The following TULP4 variants were observed in gnomAD, a reference collection of about 807,000 sequenced individuals.
TULP4 encodes the protein TUB like protein 4, also known as tubby-related protein 4.
In TULP4, 16 loss-of-function variants were observed where a neutral mutation model predicts 129.0. The ratio of observed to expected loss-of-function variants is 0.12; its 90% CI spans 0.08 to 0.19. The LOEUF (loss-of-function observed/expected upper bound fraction) is 0.19. Among genes scored for constraint, TULP4 ranks in the 10% least tolerant of loss-of-function variants. The probability of loss-of-function intolerance (pLI) is 1.00; values close to 1 mark genes in which losing one functional copy is unlikely to be tolerated. For missense variants in TULP4, 1,842 were observed against 2,059.1 expected, an observed-to-expected ratio of 0.89 and a Z score of 2.04; for synonymous variants, 998 against 854.0, an observed-to-expected ratio of 1.17 and a Z score of -2.94.
At chr6:158,337,044 TTTCTTTCTTTCTTTCTTTCTTTC>T (rs1780054241) in intron 1 of TULP4, among the ~76,000 whole-genome samples, 2 of 144,308 alleles carry the variant, frequency 1.4e-5, no homozygotes, top group Admixed American at 7.0e-5. Context: ...TTTTTCTTTC[TTTCTTTCTTTCTTTCTTTCTTTC>T]TTTCTTTTCT....
At chr6:158,309,151 A>G (rs187778802), upstream of TULP4, among the ~76,000 whole-genome samples, 970 of 16,368 alleles carry the variant, frequency 0.059, 135 homozygotes, top group South Asian at 0.15. Context: ...GCTGCCGGGC[A>G]GAGGGGCTCC....
chr6:158,479,843 G>C lies in TULP4; in HGVS notation c.1119G>C (p.Arg373=). 1.2e-6 allele frequency: 2 copies of C among 1,613,974 alleles called. No individual in the cohort carries two copies. Among genetic ancestry groups the C allele is most frequent in the South Asian group, 1.1e-5 (1 of 91,082 alleles). Residue 373 remains arginine (R), a synonymous_variant, in exon 7 of 14, where the codon CGG becomes CGC. Transcript: ENST00000367097. The stretch of plus-strand genomic sequence containing the variant: ...TGTACGTGGTGCGTGTGGAGCACCG[G>C]GTGTCCAGCCTGCAGCTGCTGTGCC... ...PALYVVRVEH[R]VSSLQLLCQQ... is the part of the protein sequence containing the mutation.
intron 1 of TULP4, among the ~76,000 whole-genome samples, chr6:158,264,301 C>A (rs1778408127): frequency 6.6e-6 from 1 of 151,676 alleles, no homozygotes; most frequent in African/African-American, 2.4e-5. Flanking sequence ...AAATGAACTT[C>A]AATTTGAAGA....
chr6:158,482,987 G>C (rs377400705), intron 8 of TULP4, among the ~76,000 whole-genome samples: 1 of 152,294 alleles, frequency 6.6e-6, no homozygotes, highest in Non-Finnish European at 1.5e-5. Context: ...CAGGGAATAA[G>C]ATGTTGTATT....
chr6:158,331,733 GTA>G (rs373673911), intron 1 of TULP4, among the ~76,000 whole-genome samples: 4,250 of 13,010 alleles, frequency 0.33, 1,555 homozygotes, highest in South Asian at 0.42. Flanking sequence ...ACACACATAC[GTA>G]TATATATACG....
intron 1 of TULP4, among the ~76,000 whole-genome samples, chr6:158,316,581 T>C (rs1423286879): frequency 2.6e-5 from 4 of 152,166 alleles, no homozygotes; most frequent in Admixed American, 2.6e-4. Context: ...CACACACATA[T>C]CTGTACCTTT....
Position 158,331,688 on chromosome 6 carries a change from GACACACACACACACAC to G in TULP4, c.252+17446_252+17461del, listed in dbSNP as rs146753041. Among the ~76,000 whole-genome samples, 116 of 43,302 alleles carry G rather than the reference GACACACACACACACAC, an allele frequency of 2.7e-3. 33 individuals carry two copies. Among genetic ancestry groups the G allele is most frequent in the African/African-American group, 7.7e-3 (113 of 14,748 alleles). The allele number at this position is 43,302 out of a possible 152,430, so 28.4% of individuals were successfully genotyped here. ...TCTTTGCTGCTGGACTCGTTCAACA[GACACACACACACACAC>G]ACACACACACACACACACACACACA... On this transcript the variant is annotated intron_variant, in intron 1 of 13. Coordinates refer to ENST00000367097, the MANE Select transcript of TULP4 (RefSeq NM_020245.5).
chr6:158,447,781 G>T (rs1459092441), intron 3 of TULP4, among the ~76,000 whole-genome samples: 1 of 152,208 alleles, frequency 6.6e-6, no homozygotes, highest in Non-Finnish European at 1.5e-5. Flanking sequence ...GCCTTGGCTT[G>T]ATCACTTAAT....
At chr6:158,408,690 GC>G (rs929589417) in intron 1 of TULP4, among the ~76,000 whole-genome samples, 4 of 152,192 alleles carry the variant, frequency 2.6e-5, no homozygotes, top group Non-Finnish European at 5.9e-5. Context: ...AGACTCCAGA[GC>G]CCGCCTTCCT....
intron 1 of TULP4, among the ~76,000 whole-genome samples, chr6:158,260,420 C>T (rs1328176127): frequency 6.6e-6 from 1 of 151,896 alleles, no homozygotes; most frequent in Non-Finnish European, 1.5e-5. Flanking sequence ...ACTAAAAATA[C>T]AAAAAATTAG....
At chr6:158,366,644 T>C (rs1780971777) in intron 1 of TULP4, among the ~76,000 whole-genome samples, 2 of 152,244 alleles carry the variant, frequency 1.3e-5, no homozygotes, top group Non-Finnish European at 2.9e-5. Flanking sequence ...CTCAGCCTTA[T>C]CGCCAGGCTC....
intron 2 of TULP4, among the ~76,000 whole-genome samples, chr6:158,422,426 T>C (rs2115035080): frequency 6.6e-6 from 1 of 152,342 alleles, no homozygotes; most frequent in South Asian, 2.1e-4. Context: ...AAAACCTTGA[T>C]TCTTACCTCA....
chr6:158,364,640 C>T (rs1174103936), intron 1 of TULP4, among the ~76,000 whole-genome samples: 2 of 152,110 alleles, frequency 1.3e-5, no homozygotes, highest in Non-Finnish European at 2.9e-5. Flanking sequence ...ATTATCATTC[C>T]CTTTTAACTG....
intron 1 of TULP4, chr6:158,238,073 ATCT>A: frequency 4.2e-6 from 3 of 706,154 alleles, no homozygotes; most frequent in South Asian, 3.0e-5. Context: ...GTACTATTAA[ATCT>A]TCTTCATGGC....
intron 1 of TULP4, among the ~76,000 whole-genome samples, chr6:158,357,414 C>T (rs905068159): frequency 2.0e-5 from 3 of 152,196 alleles, no homozygotes; most frequent in African/African-American, 7.2e-5. Flanking sequence ...TCAGTGTTCA[C>T]TTCTGGTTGG....
At chr6:158,356,977 C>A (rs867973811) in intron 1 of TULP4, among the ~76,000 whole-genome samples, 5 of 152,046 alleles carry the variant, frequency 3.3e-5, no homozygotes, top group Admixed American at 6.5e-5. Flanking sequence ...GTAGGCACTT[C>A]CATTTCCAAA....
intron 7 of TULP4, among the ~76,000 whole-genome samples, chr6:158,480,224 C>T (rs914984378): frequency 6.6e-6 from 1 of 152,204 alleles, no homozygotes; most frequent in African/African-American, 2.4e-5. Flanking sequence ...CTTCTGTGTC[C>T]CTCTGATGAT....
intron 6 of TULP4, among the ~76,000 whole-genome samples, chr6:158,468,100 G>A (rs631637): frequency 1.3e-5 from 2 of 151,990 alleles, no homozygotes; most frequent in Non-Finnish European, 2.9e-5. Flanking sequence ...CTGCTGAGTC[G>A]TGTAAACAGT....
At chr6:158,309,235 C>T (rs1292866449), upstream of TULP4, among the ~76,000 whole-genome samples, 33 of 121,004 alleles carry the variant, frequency 2.7e-4, 1 homozygote, top group Non-Finnish European at 4.7e-4. Flanking sequence ...GGCAGAGACG[C>T]TCCTCACCTC....
Sources: gnomAD v4.1 joint callset for allele counts (sites outside exome capture counted in the v4.1 genomes callset) on GRCh38, gnomAD v4.1.1 for gene constraint, MANE v1.5 for transcripts, NCBI Gene and HGNC (gene_info 2026-07-23, HGNC 2026-07-21) for gene names.